DNAJC1: variants seen among roughly 807,000 people sequenced by gnomAD.
DNAJC1 encodes dnaJ homolog subfamily C member 1.
In DNAJC1, 58 loss-of-function variants were observed where a neutral mutation model predicts 76.6. The observed-to-expected ratio is 0.76, with a 90% confidence interval of 0.61 to 0.94. DNAJC1 has a LOEUF of 0.94. Ranked by LOEUF, DNAJC1 falls within the 40% of genes least tolerant of loss-of-function variation. The probability of loss-of-function intolerance (pLI) is 0.00; values close to 1 mark genes in which losing one functional copy is unlikely to be tolerated. For synonymous variants in DNAJC1, 258 were observed against 267.9 expected (o/e 0.96, Z 0.36); for missense variants, 689 against 677.3 (o/e 1.02, Z -0.19).
intron 1 of DNAJC1, among the ~76,000 whole-genome samples, chr10:21,959,510 G>A (rs1001531588): frequency 5.3e-5 from 8 of 151,996 alleles, no homozygotes; most frequent in Non-Finnish European, 8.8e-5. Context: ...GAGAAATCCG[G>A]CCAAGCACTG....
At chr10:21,873,958 T>G (rs1391198038) in intron 8 of DNAJC1, among the ~76,000 whole-genome samples, 1 of 152,202 alleles carries the variant, frequency 6.6e-6, no homozygotes, top group Non-Finnish European at 1.5e-5. Flanking sequence ...AAGATGTTAA[T>G]TGTAATCCCT....
At chr10:21,916,626 T>A (rs1393247722) in intron 6 of DNAJC1, among the ~76,000 whole-genome samples, 3 of 152,244 alleles carry the variant, frequency 2.0e-5, no homozygotes, top group African/African-American at 7.2e-5. Flanking sequence ...TTTTGACCAC[T>A]GTTCCAATTA....
chr10:21,887,931 G>A (rs1171782722), intron 7 of DNAJC1, among the ~76,000 whole-genome samples: 9 of 151,912 alleles, frequency 5.9e-5, no homozygotes, highest in South Asian at 2.1e-4. Context: ...AGAAACTATC[G>A]ACAGAGTAAA....
In DNAJC1 at chr10:21,775,546, T is replaced by C. The variant is rs558595772; in HGVS notation, c.1099-9237A>G. The stretch of plus-strand genomic sequence containing the variant: ...CAATGCCTAGGGTGACTCAGTAAGA[T>C]AGTAAGTCACTTTGGGGAAGTAAAT... On this transcript the variant is annotated intron_variant, in intron 9 of 11. Coordinates refer to ENST00000376980, the MANE Select transcript of DNAJC1 (RefSeq NM_022365.4). 1.2e-3 allele frequency among the ~76,000 whole-genome samples: 180 copies of C among 152,204 alleles called. No homozygotes were observed. In the Middle Eastern group the frequency reaches 0.014, roughly 12 times the overall value.
At chr10:21,851,881 C>T (rs1325720165) in intron 8 of DNAJC1, among the ~76,000 whole-genome samples, 9 of 151,794 alleles carry the variant, frequency 5.9e-5, no homozygotes, top group African/African-American at 2.2e-4. Context: ...AGTGAAACCC[C>T]ATCTCTACTA....
intron 1 of DNAJC1, among the ~76,000 whole-genome samples, chr10:22,002,691 A>C (rs1027636207): frequency 7.9e-5 from 12 of 152,278 alleles, no homozygotes; most frequent in African/African-American, 2.9e-4. Context: ...CAACACAGAC[A>C]CTGGCCACAG....
rs1838565792 is a variant in DNAJC1 at position 22,003,617 on chromosome 10, G to T, written c.-183C>A. The stretch of plus-strand genomic sequence containing the variant: ...CGGAGGCGGCGGGAGCCGGCTGCCG[G>T]ACGGGCGGGTGGGTAGGCGGGCGGG... On this transcript the variant is annotated 5_prime_UTR_variant, in exon 1 of 12. Coordinates refer to ENST00000376980, the MANE Select transcript of DNAJC1 (RefSeq NM_022365.4). 2 of 666,344 alleles carry T rather than the reference G, an allele frequency of 3.0e-6. No individual in the cohort carries two copies. The highest frequency in any genetic ancestry group is 9.0e-5 in the Admixed American group (2 of 22,302). The allele number at this position is 666,344 out of a possible 1,614,324, so 41.3% of individuals were successfully genotyped here. A position where few individuals can be genotyped will look rare whatever the true frequency, so the allele number is the denominator to read the frequency against.
At chr10:21,852,077 T>TA (rs1333265634) in intron 8 of DNAJC1, among the ~76,000 whole-genome samples, 1 of 113,528 alleles carries the variant, frequency 8.8e-6, no homozygotes, top group Non-Finnish European at 1.8e-5. Flanking sequence ...ATAAAAAAAA[T>TA]AAAAAATTGT....
chr10:21,831,744 C>G (rs367795204), intron 8 of DNAJC1, among the ~76,000 whole-genome samples: 3 of 147,548 alleles, frequency 2.0e-5, no homozygotes, highest in Non-Finnish European at 4.4e-5. Flanking sequence ...GAGCTGAGAT[C>G]GCACCACTGC....
chr10:21,904,515 A>AACTCAC lies in DNAJC1; in HGVS notation c.820+1_820+6dup, dbSNP rs1564822705. On this transcript the variant is annotated splice_region_variant and intron_variant, in intron 7 of 11. Coordinates refer to ENST00000376980, the MANE Select transcript of DNAJC1 (RefSeq NM_022365.4). ...ACATTGTTAAAACACTAATGTTTAA[A>AACTCAC]ACTCACTTTGAAGTGTTTCAAGTTC... The AACTCAC allele has an allele frequency of 1.2e-5, 19 of 1,533,834 alleles. No individual in the cohort carries two copies. Among genetic ancestry groups the AACTCAC allele is most frequent in the Non-Finnish European group, 1.7e-5 (19 of 1,133,768 alleles).
At chr10:21,772,930 T>G (rs1477418575) in intron 9 of DNAJC1, among the ~76,000 whole-genome samples, 5 of 152,082 alleles carry the variant, frequency 3.3e-5, no homozygotes, top group African/African-American at 1.2e-4. Context: ...GAGGCAGCAC[T>G]TCACATGCCA....
At chr10:21,914,970 AATGGTT>A (rs1481999010) in intron 6 of DNAJC1, among the ~76,000 whole-genome samples, 9 of 152,190 alleles carry the variant, frequency 5.9e-5, no homozygotes, top group Admixed American at 5.9e-4. Context: ...CGTATTGTAG[AATGGTT>A]ATTTAAATTC....
chr10:21,757,716 T>A (rs1834192303), intron 11 of DNAJC1, among the ~76,000 whole-genome samples: 1 of 152,178 alleles, frequency 6.6e-6, no homozygotes, highest in South Asian at 2.1e-4. Flanking sequence ...AGAAGGACAG[T>A]GTGCTCGGAG....
chr10:21,912,917 C>T lies in DNAJC1; in HGVS notation c.729+5862G>A, dbSNP rs577551685. Among the ~76,000 whole-genome samples the T allele has an allele frequency of 9.2e-5, 14 of 151,498 alleles. No homozygotes were observed. The South Asian group carries it at 1.3e-3, about 14-fold the overall frequency. On this transcript the variant is annotated intron_variant, in intron 6 of 11. Transcript: ENST00000376980. The stretch of plus-strand genomic sequence containing the variant: ...GTAGTCTCCATGGGAGAAGCAGCTT[C>T]TTGGGAGGGAGGATGCTTCCATTTA...
intron 8 of DNAJC1, among the ~76,000 whole-genome samples, chr10:21,847,687 T>C (rs1259654855): frequency 2.0e-5 from 3 of 152,176 alleles, no homozygotes; most frequent in Admixed American, 6.5e-5. Context: ...GAACTTACAA[T>C]AGTTATCTTC....
chr10:21,936,918 A>G (rs1837320992), intron 1 of DNAJC1, among the ~76,000 whole-genome samples: 2 of 152,312 alleles, frequency 1.3e-5, no homozygotes, highest in South Asian at 4.1e-4. Context: ...TAGCAAAAGT[A>G]AGTCATTCCT....
At chr10:21,929,687 C>G (rs1475362305) in intron 1 of DNAJC1, among the ~76,000 whole-genome samples, 1 of 152,092 alleles carries the variant, frequency 6.6e-6, no homozygotes, top group East Asian at 1.9e-4. Context: ...AAATTATTAT[C>G]ATTAGAAAGA....
intron 9 of DNAJC1, among the ~76,000 whole-genome samples, chr10:21,779,031 G>A (rs1181028344): frequency 6.6e-6 from 1 of 152,234 alleles, no homozygotes; most frequent in Non-Finnish European, 1.5e-5. Flanking sequence ...ACTGCAAGAT[G>A]GCAGCGAGGC....
At position 21,912,404 on chromosome 10, in the gene DNAJC1, T is replaced by C. The variant is rs1376857349; in HGVS notation, c.729+6375A>G. Among the ~76,000 whole-genome samples the C allele has an allele frequency of 2.6e-5, 4 of 152,188 alleles. No individual in the cohort carries two copies. The East Asian group carries it at 7.7e-4, about 29-fold the overall frequency. ...CATCTAGCAATAACTTACAAAACTC[T>C]ATAGTCTGTCTTTGGATCTCTGAGT... On this transcript the variant is annotated intron_variant, in intron 6 of 11. Coordinates refer to ENST00000376980, the MANE Select transcript of DNAJC1 (RefSeq NM_022365.4).
Sources: gnomAD v4.1 joint callset for allele counts (sites outside exome capture counted in the v4.1 genomes callset) on GRCh38, gnomAD v4.1.1 for gene constraint, MANE v1.5 for transcripts, NCBI Gene and HGNC (gene_info 2026-07-23, HGNC 2026-07-21) for gene names.